ATRNL1: variants seen among roughly 807,000 people sequenced by gnomAD.
ATRNL1 encodes the protein attractin-like protein 1.
ATRNL1 carries 95 observed loss-of-function variants against 182.7 expected under a neutral mutation model. The observed-to-expected ratio is 0.52, with a 90% CI of 0.44 to 0.62. The LOEUF is 0.62. ATRNL1 is among the 20% of genes least tolerant of loss of function. The pLI, the probability that ATRNL1 is intolerant of heterozygous loss-of-function variation, is 0.00. For synonymous variants in ATRNL1, 576 were observed against 568.3 expected (o/e 1.01, Z -0.19); for missense variants, 1,471 against 1,679.5 (o/e 0.88, Z 2.17).
chr10:115,192,087 A>G (rs1354891874), intron 8 of ATRNL1, among the ~76,000 whole-genome samples: 4 of 151,812 alleles, frequency 2.6e-5, no homozygotes, highest in Admixed American at 2.6e-4. Flanking sequence ...TGTGCAGAAG[A>G]TTTTTTTAGC....
chr10:115,587,820 G>C (rs1256620470), intron 26 of ATRNL1, among the ~76,000 whole-genome samples: 1 of 151,124 alleles, frequency 6.6e-6, no homozygotes, highest in African/African-American at 2.4e-5. Context: ...TTTTAAAGTA[G>C]ATGTAAAAAT....
intron 26 of ATRNL1, among the ~76,000 whole-genome samples, chr10:115,706,832 C>G (rs1201222040): frequency 6.6e-6 from 1 of 151,824 alleles, no homozygotes; most frequent in Non-Finnish European, 1.5e-5. Context: ...AACAGCTACA[C>G]ATAATCAGAT....
intron 5 of ATRNL1, among the ~76,000 whole-genome samples, chr10:115,153,501 A>C (rs1392015397): frequency 1.3e-5 from 2 of 152,108 alleles, no homozygotes; most frequent in Non-Finnish European, 2.9e-5. Context: ...ATTTGCGTAG[A>C]GATGTTTATA....
intron 26 of ATRNL1, among the ~76,000 whole-genome samples, chr10:115,572,206 AG>A (rs1854435675): frequency 6.6e-6 from 1 of 152,168 alleles, no homozygotes; most frequent in African/African-American, 2.4e-5. Context: ...ATAGTATTGC[AG>A]TAAAAATGTT....
Position 115,450,231 on chromosome 10 carries a change from A to T in ATRNL1, c.3323-11710A>T, listed in dbSNP as rs562195210. Among the ~76,000 whole-genome samples the T allele has an allele frequency of 3.3e-5, 5 of 152,334 alleles. No homozygotes were observed. The East Asian group carries it at 9.6e-4, about 29-fold the overall frequency. Reference sequence around the variant, plus strand: ...CCTTGAAAACTGGCACAAGACAAGGATGCCCTCTCTCACCAGTCTTATTCA... The same window carrying T: ...CCTTGAAAACTGGCACAAGACAAGGTTGCCCTCTCTCACCAGTCTTATTCA... On this transcript the variant is annotated intron_variant, in intron 21 of 28. Coordinates refer to ENST00000355044, the MANE Select transcript of ATRNL1 (RefSeq NM_207303.4).
intron 26 of ATRNL1, among the ~76,000 whole-genome samples, chr10:115,616,554 G>A (rs1379016886): frequency 2.0e-5 from 3 of 152,190 alleles, no homozygotes; most frequent in Non-Finnish European, 2.9e-5. Context: ...AGACCTTCAT[G>A]GAAGCCCCTC....
At chr10:115,351,497 T>C (rs1294598050) in intron 19 of ATRNL1, among the ~76,000 whole-genome samples, 1 of 152,152 alleles carries the variant, frequency 6.6e-6, no homozygotes, top group Non-Finnish European at 1.5e-5. Context: ...TTTTCAACCA[T>C]TGAAATAATT....
chr10:115,621,254 A>AATATATATAT (rs781830067), intron 26 of ATRNL1, among the ~76,000 whole-genome samples: 1,565 of 70,754 alleles, frequency 0.022, 52 homozygotes, highest in East Asian at 0.045. Flanking sequence ...TTGAGCTCTG[A>AATATATATAT]ATATATATAT....
intron 27 of ATRNL1, among the ~76,000 whole-genome samples, chr10:115,762,851 T>C (rs1555073980): frequency 6.6e-6 from 1 of 152,132 alleles, no homozygotes; most frequent in South Asian, 2.1e-4. Context: ...AAGCATACAA[T>C]TTTTCTAACT....
At position 115,945,317 on chromosome 10, in the gene ATRNL1, C is replaced by T. The variant is rs1249806864; in HGVS notation, c.*538C>T. ...ATTTAAATATTTCATATGACCATAT[C>T]GTGTCCAAACTCAGTCTGAGAATGT... On this transcript the variant is annotated 3_prime_UTR_variant, in exon 29 of 29. Transcript: ENST00000355044. 2 of 152,122 alleles carry T rather than the reference C, an allele frequency of 1.3e-5. No homozygotes were observed. The highest frequency in any genetic ancestry group is 6.5e-5 in the Admixed American group (1 of 15,274). The allele number at this position is 152,122 out of a possible 1,614,324, so 9.4% of individuals were successfully genotyped here. A position where few individuals can be genotyped will look rare whatever the true frequency, so the allele number is the denominator to read the frequency against.
intron 26 of ATRNL1, among the ~76,000 whole-genome samples, chr10:115,597,354 TG>T (rs1856309476): frequency 6.6e-6 from 1 of 152,100 alleles, no homozygotes; most frequent in South Asian, 2.1e-4. Flanking sequence ...ATGAAGTAAA[TG>T]TAATATACAG....
intron 21 of ATRNL1, among the ~76,000 whole-genome samples, chr10:115,427,652 T>G (rs141198793): frequency 4.1e-4 from 62 of 152,270 alleles, no homozygotes; most frequent in African/African-American, 1.2e-3. Context: ...TGTAAATATT[T>G]AAATGTTCAA....
At position 115,200,372 on chromosome 10, in the gene ATRNL1, C is replaced by T. The variant is rs1270653; in HGVS notation, c.1349-15325C>T. ...AGGTATATCTCCTAATGCTATCCCT[C>T]CCCCCTCCCCCCACCCCACAACAGT... On this transcript the variant is annotated intron_variant, in intron 8 of 28. Coordinates refer to ENST00000355044, the MANE Select transcript of ATRNL1 (RefSeq NM_207303.4). 6.6e-3 allele frequency among the ~76,000 whole-genome samples: 660 copies of T among 100,326 alleles called. 11 individuals carry two copies. Among genetic ancestry groups the T allele is most frequent in the African/African-American group, 0.025 (643 of 25,690 alleles). The allele number at this position is 100,326 out of a possible 152,430, so 65.8% of individuals were successfully genotyped here. A position where few individuals can be genotyped will look rare whatever the true frequency, so the allele number is the denominator to read the frequency against.
intron 10 of ATRNL1, among the ~76,000 whole-genome samples, chr10:115,261,607 C>T (rs1399832543): frequency 6.6e-6 from 1 of 151,990 alleles, no homozygotes; most frequent in Non-Finnish European, 1.5e-5. Context: ...AGTAGATATA[C>T]AGAAAGGTAA....
At chr10:115,597,719 G>T (rs911240768) in intron 26 of ATRNL1, 13 of 445,702 alleles carry the variant, frequency 2.9e-5, no homozygotes, top group Non-Finnish European at 5.4e-5. Flanking sequence ...GCTAATTTTT[G>T]TATTTTTTAG....
chr10:115,603,267 T>G (rs1856708812), intron 26 of ATRNL1, among the ~76,000 whole-genome samples: 1 of 152,178 alleles, frequency 6.6e-6, no homozygotes, highest in South Asian at 2.1e-4. Context: ...CCAGCCCTCC[T>G]GAAGTTATCC....
intron 19 of ATRNL1, among the ~76,000 whole-genome samples, chr10:115,371,049 A>G (rs185357756): frequency 1.3e-5 from 2 of 152,340 alleles, no homozygotes; most frequent in Non-Finnish European, 2.9e-5. Context: ...GCAAGCCCCA[A>G]GCTGTGGCAA....
chr10:115,440,847 G>C (rs782343845), intron 21 of ATRNL1, among the ~76,000 whole-genome samples: 3 of 151,670 alleles, frequency 2.0e-5, no homozygotes, highest in Non-Finnish European at 2.9e-5. Context: ...AAAACTACCT[G>C]GTGTTTTTCC....
At chr10:115,287,924 GTT>G (rs11298663) in intron 15 of ATRNL1, among the ~76,000 whole-genome samples, 17,749 of 91,084 alleles carry the variant, frequency 0.19, 811 homozygotes, top group Non-Finnish European at 0.26. Context: ...AAGATCAACT[GTT>G]TTTTTTTTTT....
Sources: allele counts gnomAD v4.1 joint callset (sites outside exome capture counted in the v4.1 genomes callset), GRCh38; gene constraint gnomAD v4.1.1; transcripts MANE v1.5; gene names NCBI Gene and HGNC (gene_info 2026-07-23, HGNC 2026-07-21).